NTN4: variants seen among roughly 807,000 people sequenced by gnomAD.
The protein encoded by NTN4 is netrin-4.
NTN4 carries 32 observed loss-of-function variants against 73.6 expected under a neutral mutation model. That is an observed-to-expected ratio of 0.44 (90% confidence interval 0.33 to 0.58). The LOEUF (loss-of-function observed/expected upper bound fraction) is 0.58, where lower values mean the gene tolerates loss of function less well. NTN4 is among the 20% of genes least tolerant of loss of function. The pLI is 0.04. For synonymous variants in NTN4, 258 were observed against 287.5 expected, an observed-to-expected ratio of 0.90 and a Z score of 1.04; for missense variants, 654 against 798.3, an observed-to-expected ratio of 0.82 and a Z score of 2.18.
At chr12:95,786,367 T>G (rs9919756) in intron 2 of NTN4, among the ~76,000 whole-genome samples, 82,224 of 151,946 alleles carry the variant, frequency 0.54, 22,885 homozygotes, top group East Asian at 0.83. Flanking sequence ...CAGTAGCTAA[T>G]GAGGCTGTTT....
At position 95,734,811 on chromosome 12, in the gene NTN4, G is replaced by A. The variant is rs528545267; in HGVS notation, c.864+3055C>T. Among the ~76,000 whole-genome samples the A allele has an allele frequency of 1.0e-3, 153 of 152,180 alleles. 2 individuals are homozygous for A. Among genetic ancestry groups the A allele is most frequent in the African/African-American group, 6.0e-4 (25 of 41,512 alleles). On this transcript the variant is annotated intron_variant, in intron 3 of 9. Transcript: ENST00000343702. ...TCCCAGCACTTTGGGAGGCTGAGGC[G>A]GGTGGATCACCTGAGGTCAGGAGTT...
chr12:95,776,935 G>A lies in NTN4; in HGVS notation c.585+10004C>T, dbSNP rs148431859. Among the ~76,000 whole-genome samples the A allele has an allele frequency of 4.6e-3, 703 of 152,252 alleles. 2 individuals carry two copies. Among genetic ancestry groups the A allele is most frequent in the African/African-American group, 0.016 (645 of 41,546 alleles). ...AGAAAGGTCAGGTTACCCACAAAGG[G>A]AAGTCCATCAGAGTAACAGCTGATC... On this transcript the variant is annotated intron_variant, in intron 2 of 9. Transcript: ENST00000343702.
chr12:95,771,729 G>A (rs2079060548), intron 2 of NTN4, among the ~76,000 whole-genome samples: 1 of 152,118 alleles, frequency 6.6e-6, no homozygotes, highest in African/African-American at 2.4e-5. Context: ...CTCAAAATCT[G>A]AAGGTCTCTA....
At chr12:95,778,832 AC>A (rs2079112603) in intron 2 of NTN4, among the ~76,000 whole-genome samples, 1 of 152,224 alleles carries the variant, frequency 6.6e-6, no homozygotes, top group South Asian at 2.1e-4. Flanking sequence ...TCATTCTGAT[AC>A]CAAAGCCTGG....
intron 4 of NTN4, among the ~76,000 whole-genome samples, chr12:95,710,983 CT>C (rs2078561160): frequency 6.6e-6 from 1 of 152,054 alleles, no homozygotes; most frequent in East Asian, 1.9e-4. Context: ...CAGCCTCTGT[CT>C]CAAAATAAAT....
chr12:95,788,126 C>T (rs908972314), intron 1 of NTN4, among the ~76,000 whole-genome samples: 3 of 152,166 alleles, frequency 2.0e-5, no homozygotes, highest in African/African-American at 7.2e-5. Flanking sequence ...CAGATGTGCA[C>T]TATCAGTTTC....
intron 9 of NTN4, among the ~76,000 whole-genome samples, chr12:95,665,349 A>G (rs192523262): frequency 1.1e-3 from 167 of 152,358 alleles, no homozygotes; most frequent in African/African-American, 3.8e-3. Context: ...TGAGAACTTG[A>G]GAACTGTTTT....
chr12:95,741,511 T>C (rs1228123738), intron 2 of NTN4, among the ~76,000 whole-genome samples: 1 of 137,064 alleles, frequency 7.3e-6, no homozygotes, highest in African/African-American at 2.6e-5. Flanking sequence ...TTATATCCTC[T>C]TGATGAAGTG....
rs140769853 is a variant in NTN4, at chr12:95,683,620, A to T, written c.1272T>A (p.Pro424=). 9.1e-5 allele frequency: 147 copies of T among 1,614,094 alleles called. No individual in the cohort carries two copies. In the African/African-American group the frequency reaches 1.9e-3, roughly 20 times the overall value. ...DPSNGDCPCK[P]GVAGRRCDRC... ...TGTCACAACGTCGCCCTGCCACCCCAGGCTTGCAAGGGCAGTCACCATTGC... is the reference window on the plus strand; with the variant it reads ...TGTCACAACGTCGCCCTGCCACCCCTGGCTTGCAAGGGCAGTCACCATTGC... Residue 424 remains proline (P), a synonymous_variant, in exon 6 of 10, where the codon CCT becomes CCA. Transcript: ENST00000343702.
chr12:95,698,336 T>C, intron 5 of NTN4, among the ~76,000 whole-genome samples: 1 of 152,252 alleles, frequency 6.6e-6, no homozygotes, highest in South Asian at 2.1e-4. Context: ...CATTCTCTTC[T>C]TTATGCACCT....
At chr12:95,723,340 G>T (rs1038978189) in intron 3 of NTN4, among the ~76,000 whole-genome samples, 3 of 151,554 alleles carry the variant, frequency 2.0e-5, no homozygotes, top group Admixed American at 2.0e-4. Flanking sequence ...CCCTCGCTAG[G>T]TTTTCTTGGC....
chr12:95,785,784 T>G (rs1043889538), intron 2 of NTN4, among the ~76,000 whole-genome samples: 1 of 152,196 alleles, frequency 6.6e-6, no homozygotes, highest in Non-Finnish European at 1.5e-5. Context: ...ATATAAAGGA[T>G]GCTAGAAGAG....
At chr12:95,661,456 G>T (rs1035993218) in intron 9 of NTN4, among the ~76,000 whole-genome samples, 5 of 152,166 alleles carry the variant, frequency 3.3e-5, no homozygotes, top group Non-Finnish European at 5.9e-5. Flanking sequence ...TGGAAAGCTG[G>T]ATGCTTGTAG....
chr12:95,704,790 T>C (rs963844704), intron 5 of NTN4, among the ~76,000 whole-genome samples: 2 of 152,148 alleles, frequency 1.3e-5, no homozygotes, highest in African/African-American at 2.4e-5. Context: ...GCCCCAAATG[T>C]ATCCTGGAAT....
intron 5 of NTN4, among the ~76,000 whole-genome samples, chr12:95,693,784 T>C (rs1450710903): frequency 6.6e-6 from 1 of 151,836 alleles, no homozygotes; most frequent in African/African-American, 2.4e-5. Flanking sequence ...ATTACTCTTA[T>C]TTTGTGGATC....
intron 2 of NTN4, among the ~76,000 whole-genome samples, chr12:95,753,770 G>C (rs2078927342): frequency 1.3e-5 from 2 of 151,834 alleles, no homozygotes; most frequent in African/African-American, 4.8e-5. Context: ...CAGAATTCAG[G>C]CCTGTCCTCA....
chr12:95,663,519 A>G (rs1378505286), intron 9 of NTN4: 2 of 152,244 alleles, frequency 1.3e-5, no homozygotes, highest in African/African-American at 4.8e-5. Context: ...TTAAGAATGA[A>G]TGAATATGCA....
intron 7 of NTN4, among the ~76,000 whole-genome samples, chr12:95,680,343 T>C (rs900507536): frequency 2.0e-5 from 3 of 152,254 alleles, no homozygotes; most frequent in Non-Finnish European, 2.9e-5. Context: ...AAAGGAAACC[T>C]GAATGGCCAA....
chr12:95,691,817 T>TG (rs2078403648), intron 5 of NTN4, among the ~76,000 whole-genome samples: 4 of 152,156 alleles, frequency 2.6e-5, no homozygotes, highest in Admixed American at 1.3e-4. Context: ...AGAGCCAAAA[T>TG]ATTACACTGA....
Sources: gnomAD v4.1 joint callset for allele counts (sites outside exome capture counted in the v4.1 genomes callset) on GRCh38, gnomAD v4.1.1 for gene constraint, MANE v1.5 for transcripts, NCBI Gene and HGNC (gene_info 2026-07-23, HGNC 2026-07-21) for gene names.